The following PSMC1 variants were observed in gnomAD, a reference collection of about 807,000 sequenced individuals.
PSMC1 encodes the protein proteasome 26S subunit, ATPase 1, also known as 26S proteasome regulatory subunit 4.
PSMC1 carries 5 observed loss-of-function variants against 49.8 expected under a neutral mutation model. The observed-to-expected ratio is 0.10, with a 90% CI of 0.05 to 0.21. The LOEUF is 0.21. Ranked by LOEUF, PSMC1 falls within the 10% of genes least tolerant of loss-of-function variation. The pLI is 1.00. For missense variants in PSMC1, 181 were observed against 535.7 expected (o/e 0.34, Z 6.54); for synonymous variants, 155 against 192.1 (o/e 0.81, Z 1.60).
Position 90,273,104 on chromosome 14 carries a change from CTT to C in PSMC1, c.*699_*700del, listed in dbSNP as rs1384955365. ...TTCTCCGTCTATTTCCGTCATTTCT[CTT>C]TCTGAACAAATCAGGCCTAAAGCTA... On this transcript the variant is annotated 3_prime_UTR_variant, in exon 11 of 11. Coordinates refer to ENST00000261303, the MANE Select transcript of PSMC1 (RefSeq NM_002802.3). 2 of 152,196 alleles carry C rather than the reference CTT, an allele frequency of 1.3e-5. No homozygotes were observed. The highest frequency in any genetic ancestry group is 2.9e-5 in the Non-Finnish European group (2 of 68,046). 9.4% of individuals were successfully genotyped at this position (152,196 alleles called of 1,614,324 possible).
intron 3 of PSMC1, among the ~76,000 whole-genome samples, chr14:90,262,173 A>G (rs1891412464): frequency 7.1e-6 from 1 of 141,440 alleles, no homozygotes; most frequent in African/African-American, 2.6e-5. Flanking sequence ...GGGGAGGGAT[A>G]GCATTAGGAG....
rs563614835 is a variant in PSMC1, at chr14:90,263,204, A to G, written c.155-114A>G. 264 of 1,133,674 alleles carry G rather than the reference A, an allele frequency of 2.3e-4. No individual in the cohort carries two copies. The African/African-American group carries it at 3.8e-3, about 16-fold the overall frequency. 70.2% of individuals were successfully genotyped at this position (1,133,674 alleles called of 1,614,324 possible). ...GGTTTACTTAGAGTTACCAAACTGA[A>G]TTTTTCTGAAGCTATCGCCAACAAA... On this transcript the variant is annotated intron_variant, in intron 3 of 10. Coordinates refer to ENST00000261303, the MANE Select transcript of PSMC1 (RefSeq NM_002802.3).
Position 90,273,541 on chromosome 14 carries a change from G to C in PSMC1, c.*1134G>C, listed in dbSNP as rs916090086. ...TCACTGCACTCCAGCCTGGGCGACA[G>C]AGCAAGACTCCGTCTCAAAAATAAA... On this transcript the variant is annotated 3_prime_UTR_variant, in exon 11 of 11. Coordinates refer to ENST00000261303, the MANE Select transcript of PSMC1 (RefSeq NM_002802.3). 1 of 152,178 alleles carries C rather than the reference G, an allele frequency of 6.6e-6. No homozygotes were observed. Among genetic ancestry groups the C allele is most frequent in the Admixed American group, 6.6e-5 (1 of 15,264 alleles). 9.4% of individuals were successfully genotyped at this position (152,178 alleles called of 1,614,324 possible).
chr14:90,260,083 A>ATTT, intron 2 of PSMC1, 32 bp from the exon 3 acceptor site: 7 of 1,246,560 alleles, frequency 5.6e-6, no homozygotes, highest in East Asian at 2.5e-5. Context: ...TTTTCATGTG[A>ATTT]TTTTTTTTTC....
chr14:90,264,195 G>A (rs775676584), intron 6 of PSMC1, 26 bp downstream of exon 6: 1 of 1,609,676 alleles, frequency 6.2e-7, no homozygotes, highest in Non-Finnish European at 8.5e-7. Flanking sequence ...AACCATCTCT[G>A]GGTTTCAGTT....
Position 90,272,200 on chromosome 14 carries a change from T to C in PSMC1, c.1189-73T>C, listed in dbSNP as rs1430698725. 2.6e-6 allele frequency: 4 copies of C among 1,565,368 alleles called. No homozygotes were observed. The African/African-American group carries it at 4.1e-5, about 16-fold the overall frequency. The stretch of plus-strand genomic sequence containing the variant: ...TGAGCCACCGCGCCTGGCCTCAGAA[T>C]AGGTTTTTTGGAATTCCTTGTTAGA... On this transcript the variant is annotated intron_variant, in intron 10 of 10. Transcript: ENST00000261303. The surrounding 1 kb of genome is among the most constrained non-coding windows in gnomAD (Gnocchi z 4.5).
rs192049754 is a variant in PSMC1, at chr14:90,265,416, C to T, written c.691+250C>T. On this transcript the variant is annotated intron_variant, in intron 7 of 10. Coordinates refer to ENST00000261303, the MANE Select transcript of PSMC1 (RefSeq NM_002802.3). ...AAAAAATTAGCTGGGCGTGGCCGGG[C>T]GCAGTGGCTCACGCCTGTAATCCCA... 2.7e-4 allele frequency among the ~76,000 whole-genome samples: 40 copies of T among 150,526 alleles called. 1 individual carries two copies. Among genetic ancestry groups the T allele is most frequent in the African/African-American group, 8.3e-4 (34 of 40,892 alleles).
At chr14:90,256,845 C>T (rs969525203) in intron 1 of PSMC1, among the ~76,000 whole-genome samples, 3 of 152,194 alleles carry the variant, frequency 2.0e-5, no homozygotes, top group South Asian at 4.1e-4. Context: ...AGAGGGTCTC[C>T]TGCGTGGTCT....
chr14:90,256,880 C>T (rs1047368933), intron 1 of PSMC1, among the ~76,000 whole-genome samples: 38 of 152,254 alleles, frequency 2.5e-4, no homozygotes, highest in African/African-American at 9.1e-4. Context: ...ACGGATCAGG[C>T]CGCTGGCTTT....
rs1032513873 is a variant in PSMC1 at position 90,272,119 on chromosome 14, C to G, written c.1189-154C>G. 143 of 684,186 alleles carry G rather than the reference C, an allele frequency of 2.1e-4. 1 individual carries two copies. Among genetic ancestry groups the G allele is most frequent in the Non-Finnish European group, 2.4e-5 (10 of 425,036 alleles). 42.4% of individuals were successfully genotyped at this position (684,186 alleles called of 1,614,324 possible). A position where few individuals can be genotyped will look rare whatever the true frequency, so the allele number is the denominator to read the frequency against. Reference sequence around the variant, plus strand: ...GTGTTGGCCAGGCTGGTCTTGAACTCCTGACCTTAGGCGATCCACCTGCCT... The same window carrying G: ...GTGTTGGCCAGGCTGGTCTTGAACTGCTGACCTTAGGCGATCCACCTGCCT... On this transcript the variant is annotated intron_variant, in intron 10 of 10. Coordinates refer to ENST00000261303, the MANE Select transcript of PSMC1 (RefSeq NM_002802.3). This position sits in a 1 kb window ranked among gnomAD's most constrained non-coding sequence, Gnocchi z 4.5.
At chr14:90,263,025 T>C (rs1891431218) in intron 3 of PSMC1, among the ~76,000 whole-genome samples, 1 of 152,170 alleles carries the variant, frequency 6.6e-6, no homozygotes, top group Non-Finnish European at 1.5e-5. Flanking sequence ...CAGACCCAGG[T>C]ATCTGATGGG....
chr14:90,268,073 T>G (rs1891564083), intron 7 of PSMC1, 151 bp from the exon 8 acceptor site: 1 of 596,234 alleles, frequency 1.7e-6, no homozygotes, highest in East Asian at 2.8e-5. Context: ...CTTAGGAGAA[T>G]GGAATGTCGT....
At chr14:90,268,562 C>A in intron 8 of PSMC1, 149 bp downstream of exon 8, 2 of 713,904 alleles carry the variant, frequency 2.8e-6, no homozygotes, top group East Asian at 5.2e-5. Flanking sequence ...TCTGCTCTCC[C>A]AGGAGCCAGC....
At chr14:90,265,343 GAAAA>G (rs34260220) in intron 7 of PSMC1, among the ~76,000 whole-genome samples, 177 bp downstream of exon 7, 2 of 126,842 alleles carry the variant, frequency 1.6e-5, no homozygotes, top group African/African-American at 2.9e-5. Flanking sequence ...AATACTGATG[GAAAA>G]AAAAAAAAAA....
rs1235511783 is a variant in PSMC1 at position 90,260,100 on chromosome 14, T to C, written c.58-15T>C. ...TTCATGTGATTTTTTTTTCCTGCTA[T>C]TCTAACAACTCAAGGACAAGAAAAA... is the stretch of plus-strand genomic sequence containing the variant. On this transcript the variant is annotated splice_polypyrimidine_tract_variant and intron_variant, in intron 2 of 10. Transcript: ENST00000261303. 2.7e-6 allele frequency: 4 copies of C among 1,493,936 alleles called. No homozygotes were observed. Among genetic ancestry groups the C allele is most frequent in the Admixed American group, 2.1e-5 (1 of 47,750 alleles). The allele number at this position is 1,493,936 out of a possible 1,614,324, so 92.5% of individuals were successfully genotyped here.
chr14:90,259,287 G>C (rs552377405), intron 2 of PSMC1, 74 bp downstream of exon 2: 8 of 1,408,416 alleles, frequency 5.7e-6, no homozygotes, highest in Non-Finnish European at 7.9e-6. Flanking sequence ...GAGAAGTTCT[G>C]TGGGGATTCA....
intron 6 of PSMC1, 42 bp downstream of exon 6, chr14:90,264,211 T>G: frequency 6.2e-7 from 1 of 1,608,576 alleles, no homozygotes; most frequent in Non-Finnish European, 8.5e-7. Flanking sequence ...CAGTTTTGGT[T>G]TCTGTTGTCC....
intron 1 of PSMC1, 55 bp from the exon 2 acceptor site, chr14:90,259,103 TTC>T: frequency 3.2e-6 from 5 of 1,552,670 alleles, no homozygotes; most frequent in Non-Finnish European, 3.5e-6. Context: ...TATAAAGTTA[TTC>T]TTTTGAAGTG....
At chr14:90,264,930 A>G (rs1891475166) in intron 6 of PSMC1, 140 bp from the exon 7 acceptor site, 1 of 697,908 alleles carries the variant, frequency 1.4e-6, no homozygotes, top group South Asian at 1.7e-5. Flanking sequence ...TGCTGCTAAT[A>G]GAAATCAAGC....
Sources: gnomAD v4.1 joint callset for allele counts (sites outside exome capture counted in the v4.1 genomes callset) on GRCh38, gnomAD v4.1.1 for gene constraint, Gnocchi (gnomAD v3.1) non-coding constraint, MANE v1.5 for transcripts, NCBI Gene and HGNC (gene_info 2026-07-23, HGNC 2026-07-21) for gene names.